CAMTA1: variants seen among roughly 807,000 people sequenced by gnomAD.
CAMTA1 encodes the protein calmodulin binding transcription activator 1.
A neutral mutation model predicts 170.9 loss-of-function variants in CAMTA1; 27 were observed. The observed-to-expected ratio is 0.16, with a 90% confidence interval of 0.12 to 0.22. The LOEUF is 0.22. Among genes scored for constraint, CAMTA1 ranks in the 10% least tolerant of loss-of-function variants. The probability of loss-of-function intolerance (pLI) is 1.00; values close to 1 mark genes in which losing one functional copy is unlikely to be tolerated. For synonymous variants in CAMTA1, 833 were observed against 891.5 expected (o/e 0.93, Z 1.17); for missense variants, 1,619 against 2,217.2 (o/e 0.73, Z 5.42).
intron 4 of CAMTA1, among the ~76,000 whole-genome samples, chr1:7,175,691 G>A (rs961868049): frequency 6.6e-5 from 10 of 152,230 alleles, no homozygotes; most frequent in African/African-American, 1.4e-4. Context: ...GGATCAAACC[G>A]TTAGTCCATC....
At chr1:6,993,255 C>A (rs1696679046) in intron 3 of CAMTA1, among the ~76,000 whole-genome samples, 1 of 152,110 alleles carries the variant, frequency 6.6e-6, no homozygotes. Context: ...AAAAAACCTG[C>A]AGGTATTTTC....
At position 7,065,606 on chromosome 1, in the gene CAMTA1, G is replaced by A. The variant is rs1274521679; in HGVS notation, c.235-25698G>A. 6.6e-6 allele frequency among the ~76,000 whole-genome samples: 1 copy of A among 151,750 alleles called. No individual in the cohort carries two copies. The highest frequency in any genetic ancestry group is 2.4e-5 in the African/African-American group (1 of 41,200). On this transcript the variant is annotated intron_variant, in intron 3 of 22. Coordinates refer to ENST00000303635, the MANE Select transcript of CAMTA1 (RefSeq NM_015215.4). This position sits in a 1 kb window ranked among gnomAD's most constrained non-coding sequence, Gnocchi z 5.2. Reference sequence around the variant, plus strand: ...GGGATTCTACCTGGAGCAGGTGGGGGTGCTTATTTCATGGCCATAGGAGGG... The same window carrying A: ...GGGATTCTACCTGGAGCAGGTGGGGATGCTTATTTCATGGCCATAGGAGGG...
chr1:6,882,946 CAG>C (rs1335151942), intron 3 of CAMTA1, among the ~76,000 whole-genome samples: 18 of 152,144 alleles, frequency 1.2e-4, no homozygotes, highest in Admixed American at 1.2e-3. Flanking sequence ...TTTTTTGAGA[CAG>C]AATGTCCCTC....
At chr1:6,902,645 A>G (rs1449981236) in intron 3 of CAMTA1, among the ~76,000 whole-genome samples, 1 of 152,246 alleles carries the variant, frequency 6.6e-6, no homozygotes, top group East Asian at 1.9e-4. Flanking sequence ...TTTGTTTGTC[A>G]GAATGTATGG....
intron 6 of CAMTA1, among the ~76,000 whole-genome samples, chr1:7,599,849 A>G (rs529531906): frequency 0.011 from 1,710 of 152,302 alleles, 23 homozygotes; most frequent in African/African-American, 0.038. Context: ...GGCTGAGACA[A>G]TGGGGTTTTC....
chr1:7,769,569 A>G lies in CAMTA1; in HGVS notation c.*3078A>G, dbSNP rs2097044150. ...AATTGTGCATGTAAAGCATCATTGA[A>G]TCAATGGATCTGTTGAAGAACTCAG... On this transcript the variant is annotated 3_prime_UTR_variant, in exon 23 of 23. Transcript: ENST00000303635. The G allele has an allele frequency of 6.5e-6, 1 of 152,786 alleles. No individual in the cohort carries two copies. The highest frequency in any genetic ancestry group is 6.5e-5 in the Admixed American group (1 of 15,284). The allele number at this position is 152,786 out of a possible 1,614,324, so 9.5% of individuals were successfully genotyped here.
intron 5 of CAMTA1, among the ~76,000 whole-genome samples, chr1:7,320,923 A>G (rs1678318462): frequency 6.6e-6 from 1 of 152,116 alleles, no homozygotes; most frequent in Non-Finnish European, 1.5e-5. Context: ...GGGGCCTACA[A>G]TGACACCTGG....
chr1:7,458,463 G>A (rs750935861), intron 5 of CAMTA1, among the ~76,000 whole-genome samples: 9 of 152,186 alleles, frequency 5.9e-5, no homozygotes, highest in Non-Finnish European at 1.3e-4. Context: ...GGCAGAAAGA[G>A]TGATTTAACA....
chr1:6,846,521 C>T (rs971285984), intron 3 of CAMTA1, among the ~76,000 whole-genome samples: 2 of 152,180 alleles, frequency 1.3e-5, no homozygotes, highest in Non-Finnish European at 2.9e-5. Flanking sequence ...AGTTCAAAAA[C>T]AGAGTAGCTT....
At chr1:7,414,006 T>G (rs1454018099) in intron 5 of CAMTA1, among the ~76,000 whole-genome samples, 1 of 152,250 alleles carries the variant, frequency 6.6e-6, no homozygotes, top group Non-Finnish European at 1.5e-5. Flanking sequence ...CTGCATCTAT[T>G]GAGATAATCA....
rs778832262 is a variant in CAMTA1, at chr1:7,720,051, T to C, written c.2915-12397T>C. Among the ~76,000 whole-genome samples, 6 of 152,256 alleles carry C rather than the reference T, an allele frequency of 3.9e-5. 1 individual carries two copies. Among genetic ancestry groups the C allele is most frequent in the Non-Finnish European group, 7.3e-5 (5 of 68,054 alleles). ...CAAGGCAAAACTTTTTCTTCTCCTCTGGCAACAAGACCTGAGATGGCTCAG... is the reference window on the plus strand; with the variant it reads ...CAAGGCAAAACTTTTTCTTCTCCTCCGGCAACAAGACCTGAGATGGCTCAG... On this transcript the variant is annotated intron_variant, in intron 11 of 22. Transcript: ENST00000303635.
intron 7 of CAMTA1, among the ~76,000 whole-genome samples, chr1:7,648,735 G>T (rs1020821790): frequency 5.9e-5 from 9 of 152,182 alleles, no homozygotes; most frequent in Admixed American, 3.3e-4. Context: ...CAGAGACAAT[G>T]GTTCCCCCTC....
At chr1:7,142,924 T>A (rs370889945) in intron 4 of CAMTA1, among the ~76,000 whole-genome samples, 2 of 152,354 alleles carry the variant, frequency 1.3e-5, no homozygotes, top group East Asian at 3.9e-4. Context: ...GCTTTCATGG[T>A]GCTTTTGGGC....
intron 3 of CAMTA1, among the ~76,000 whole-genome samples, chr1:6,968,974 G>A (rs748513889): frequency 5.9e-4 from 90 of 152,142 alleles, no homozygotes; most frequent in Admixed American, 2.8e-3. Flanking sequence ...TCTCCAAGGA[G>A]CTAGTCTGTC....
intron 3 of CAMTA1, among the ~76,000 whole-genome samples, chr1:6,993,391 T>C (rs1696696141): frequency 6.6e-6 from 1 of 152,220 alleles, no homozygotes; most frequent in Non-Finnish European, 1.5e-5. Flanking sequence ...ATGTTTTTAG[T>C]TTTCAGTGTG....
rs547288090 is a variant in CAMTA1, at chr1:7,654,405, A to C, written c.665-7321A>C. Among the ~76,000 whole-genome samples, 35 of 151,988 alleles carry C rather than the reference A, an allele frequency of 2.3e-4. 1 individual carries two copies. The Middle Eastern group carries it at 0.014, about 59-fold the overall frequency. ...AAAAAATAAATAAATAAATATATTA[A>C]AAATAAAGTGGTAGAGGAGAGAGGC... On this transcript the variant is annotated intron_variant, in intron 7 of 22. Coordinates refer to ENST00000303635, the MANE Select transcript of CAMTA1 (RefSeq NM_015215.4).
At position 7,736,303 on chromosome 1, in the gene CAMTA1, C is replaced by A; in HGVS notation, c.3067-41C>A. ...ATCGAAGCGCTGATGGGGTCGAGGG[C>A]CTTTAGTCCTGAGGTCGTAACGTGC... On this transcript the variant is annotated intron_variant, in intron 12 of 22. Coordinates refer to ENST00000303635, the MANE Select transcript of CAMTA1 (RefSeq NM_015215.4). This position sits in a 1 kb window ranked among gnomAD's most constrained non-coding sequence, Gnocchi z 4.5. 1.9e-6 allele frequency: 3 copies of A among 1,570,370 alleles called. No homozygotes were observed. Among genetic ancestry groups the A allele is most frequent in the South Asian group, 1.1e-5 (1 of 88,760 alleles).
intron 12 of CAMTA1, among the ~76,000 whole-genome samples, chr1:7,734,284 T>G (rs958899232): frequency 1.3e-5 from 2 of 152,230 alleles, no homozygotes; most frequent in African/African-American, 4.8e-5. Flanking sequence ...AATCATTGTT[T>G]AATTTACCTC....
At chr1:7,070,549 GACCTTCT>G (rs1269005947) in intron 3 of CAMTA1, among the ~76,000 whole-genome samples, 1 of 152,144 alleles carries the variant, frequency 6.6e-6, no homozygotes, top group East Asian at 1.9e-4. Flanking sequence ...TTTTGAGCAC[GACCTTCT>G]CTCTCATCAC....
Sources: allele counts gnomAD v4.1 joint callset (sites outside exome capture counted in the v4.1 genomes callset), GRCh38; gene constraint gnomAD v4.1.1; non-coding constraint Gnocchi (gnomAD v3.1); transcripts MANE v1.5; gene names NCBI Gene and HGNC (gene_info 2026-07-23, HGNC 2026-07-21).